EDIL3: variants seen among roughly 807,000 people sequenced by gnomAD.
EDIL3 encodes EGF-like repeat and discoidin I-like domain-containing protein 3.
In EDIL3, 37 loss-of-function variants were observed where a neutral mutation model predicts 67.4. That is an observed-to-expected ratio of 0.55 (90% CI 0.42 to 0.72). The LOEUF (loss-of-function observed/expected upper bound fraction) is 0.72. Ranked by LOEUF, EDIL3 falls within the 30% of genes least tolerant of loss-of-function variation. The probability of loss-of-function intolerance (pLI) is 0.00; values close to 1 mark genes in which losing one functional copy is unlikely to be tolerated. For missense variants in EDIL3, 527 were observed against 586.3 expected, an observed-to-expected ratio of 0.90 and a Z score of 1.04; for synonymous variants, 195 against 196.3, an observed-to-expected ratio of 0.99 and a Z score of 0.05.
At chr5:84,161,173 G>A (rs994209877) in intron 4 of EDIL3, among the ~76,000 whole-genome samples, 1 of 151,844 alleles carries the variant, frequency 6.6e-6, no homozygotes, top group Non-Finnish European at 1.5e-5. Context: ...CCATGACTTT[G>A]TTCCTTTTTT....
chr5:84,224,382 C>G (rs1214912475), intron 3 of EDIL3, among the ~76,000 whole-genome samples: 1 of 151,360 alleles, frequency 6.6e-6, no homozygotes, highest in African/African-American at 2.4e-5. Flanking sequence ...TTTGCTACAC[C>G]TTATAGTTAA....
intron 1 of EDIL3, among the ~76,000 whole-genome samples, chr5:84,327,887 C>T (rs1384359554): frequency 6.6e-6 from 1 of 151,966 alleles, no homozygotes; most frequent in Non-Finnish European, 1.5e-5. Context: ...CTTCCTCCTT[C>T]GCCCCTTGAG....
At chr5:83,958,919 G>C (rs1744560308) in intron 10 of EDIL3, among the ~76,000 whole-genome samples, 1 of 151,278 alleles carries the variant, frequency 6.6e-6, no homozygotes, top group African/African-American at 2.4e-5. Context: ...TTAAATGTTA[G>C]AAAATGCTGT....
At chr5:84,195,559 C>G (rs1014408522) in intron 3 of EDIL3, among the ~76,000 whole-genome samples, 1 of 151,856 alleles carries the variant, frequency 6.6e-6, no homozygotes, top group Non-Finnish European at 1.5e-5. Flanking sequence ...CAGTTATAAA[C>G]GTGTACACTT....
chr5:84,333,575 A>G (rs1022205418), intron 1 of EDIL3, among the ~76,000 whole-genome samples: 1 of 152,180 alleles, frequency 6.6e-6, no homozygotes, highest in South Asian at 2.1e-4. Context: ...TTTTTAGAGC[A>G]TAAAATTATC....
At chr5:84,221,228 G>T (rs1416132737) in intron 3 of EDIL3, among the ~76,000 whole-genome samples, 3 of 152,078 alleles carry the variant, frequency 2.0e-5, no homozygotes, top group East Asian at 3.9e-4. Context: ...TTAACAATAA[G>T]ATTTTATTAT....
intron 3 of EDIL3, among the ~76,000 whole-genome samples, chr5:84,193,897 T>C (rs546702105): frequency 6.6e-6 from 1 of 152,084 alleles, no homozygotes; most frequent in Admixed American, 6.6e-5. Flanking sequence ...ATGAATTGAA[T>C]ATACTGGCAA....
chr5:83,969,058 C>T (rs1580257659), intron 9 of EDIL3, among the ~76,000 whole-genome samples: 1 of 151,606 alleles, frequency 6.6e-6, no homozygotes, highest in Admixed American at 6.6e-5. Context: ...TTATTGGTTA[C>T]CAGACGTTGG....
At chr5:84,225,563 T>C (rs1744434426) in intron 3 of EDIL3, among the ~76,000 whole-genome samples, 1 of 151,682 alleles carries the variant, frequency 6.6e-6, no homozygotes, top group African/African-American at 2.4e-5. Flanking sequence ...ATCCATATTA[T>C]TTTGTAGCAT....
chr5:84,057,255 T>G (rs1320720732), intron 9 of EDIL3, among the ~76,000 whole-genome samples: 1 of 152,170 alleles, frequency 6.6e-6, no homozygotes, highest in African/African-American at 2.4e-5. Flanking sequence ...AACAAAGTGA[T>G]AGATGGAGGC....
At chr5:84,085,960 GGGAAAACCACCTACTAAAGCCTCAGTAAT>G (rs1163808221) in intron 6 of EDIL3, among the ~76,000 whole-genome samples, 2 of 152,126 alleles carry the variant, frequency 1.3e-5, no homozygotes, top group Non-Finnish European at 2.9e-5. Flanking sequence ...GCACTGTCAC[GGGAAAACCACCTACTAAAGCCTCAGTAAT>G]GGCGGATACT....
At chr5:84,185,256 C>T (rs1580366569) in intron 3 of EDIL3, among the ~76,000 whole-genome samples, 1 of 152,230 alleles carries the variant, frequency 6.6e-6, no homozygotes, top group East Asian at 1.9e-4. Flanking sequence ...TAAACGGAAT[C>T]AGCATGAATT....
chr5:84,353,912 G>C (rs534623392), intron 1 of EDIL3, among the ~76,000 whole-genome samples: 1 of 152,240 alleles, frequency 6.6e-6, no homozygotes, highest in East Asian at 1.9e-4. Context: ...ACAGGTTCAA[G>C]CTATTGTGTT....
chr5:84,176,846 C>A (rs1748927062), intron 4 of EDIL3, among the ~76,000 whole-genome samples: 1 of 151,008 alleles, frequency 6.6e-6, no homozygotes, highest in Non-Finnish European at 1.5e-5. Flanking sequence ...TAATTCTATA[C>A]CAAATCCAAT....
chr5:84,099,756 T>C (rs1425875148), intron 6 of EDIL3, among the ~76,000 whole-genome samples: 1 of 152,090 alleles, frequency 6.6e-6, no homozygotes, highest in African/African-American at 2.4e-5. Flanking sequence ...AAAGAGCTTC[T>C]GCACAGCAAA....
intron 1 of EDIL3, among the ~76,000 whole-genome samples, chr5:84,356,683 G>A (rs755646046): frequency 4.6e-5 from 7 of 152,038 alleles, no homozygotes; most frequent in South Asian, 2.1e-4. Flanking sequence ...GAACAGGTTC[G>A]GGGAAGGACA....
At chr5:84,285,762 T>A (rs1745795648) in intron 1 of EDIL3, among the ~76,000 whole-genome samples, 1 of 152,154 alleles carries the variant, frequency 6.6e-6, no homozygotes, top group Non-Finnish European at 1.5e-5. Flanking sequence ...GCTTTAGCCA[T>A]GGATTTGATG....
intron 6 of EDIL3, among the ~76,000 whole-genome samples, chr5:84,072,462 C>T (rs1328853261): frequency 6.6e-6 from 1 of 151,972 alleles, no homozygotes; most frequent in African/African-American, 2.4e-5. Flanking sequence ...ACAATATTAG[C>T]AAGAATATGG....
intron 9 of EDIL3, among the ~76,000 whole-genome samples, chr5:84,001,389 G>A (rs890953828): frequency 2.0e-5 from 3 of 151,938 alleles, no homozygotes; most frequent in Non-Finnish European, 2.9e-5. Context: ...ACCTAAAAAT[G>A]CTTTCTAAAA....
Sources: allele counts gnomAD v4.1 joint callset (sites outside exome capture counted in the v4.1 genomes callset), GRCh38; gene constraint gnomAD v4.1.1; transcripts MANE v1.5; gene names NCBI Gene and HGNC (gene_info 2026-07-23, HGNC 2026-07-21).